The following PCDHGA11 variants were observed in gnomAD, a reference collection of about 807,000 sequenced individuals.
PCDHGA11 encodes protocadherin gamma-A11.
Under a neutral mutation model 60.4 loss-of-function variants are expected in PCDHGA11, and 39 were observed. That is an observed-to-expected ratio of 0.65 (90% CI 0.50 to 0.84). PCDHGA11 has a LOEUF of 0.84. Ranked by LOEUF, PCDHGA11 falls within the 40% of genes least tolerant of loss-of-function variation. PCDHGA11 has a pLI of 0.00. For missense variants in PCDHGA11, 1,165 were observed against 1,197.7 expected (o/e 0.97, Z 0.40); for synonymous variants, 533 against 510.3 (o/e 1.04, Z -0.60).
At chr5:141,454,620 G>T (rs1028840158) in intron 1 of PCDHGA11, among the ~76,000 whole-genome samples, 1 of 151,520 alleles carries the variant, frequency 6.6e-6, no homozygotes, top group East Asian at 1.9e-4. Flanking sequence ...TGGTCAGGCT[G>T]GTCTCGAACC....
chr5:141,511,049 G>A lies in PCDHGA11; in HGVS notation c.2684G>A (p.Arg895His), dbSNP rs61749029. 408 of 1,614,098 alleles carry A rather than the reference G, an allele frequency of 2.5e-4. No individual in the cohort carries two copies. Among genetic ancestry groups the A allele is most frequent in the South Asian group, 7.2e-4 (66 of 91,094 alleles). Residue 895 changes from arginine (R) to histidine (H), a missense_variant, in exon 4 of 4, where the codon CGC becomes CAC. Transcript: ENST00000398587. ...QFTLQHVPDY[R>H]QNVYIPGSNA... ...ACCCTGCAGCACGTGCCCGACTACC[G>A]CCAGAATGTCTACATCCCAGGCAGC...
intron 1 of PCDHGA11, 148 bp from the exon 2 acceptor site, chr5:141,494,659 T>C (rs749872848): frequency 2.3e-4 from 343 of 1,488,556 alleles, no homozygotes; most frequent in Non-Finnish European, 2.9e-4. Flanking sequence ...ATTTTGTCTT[T>C]GGAGATGAGT....
chr5:141,465,440 A>T (rs1478987071), intron 1 of PCDHGA11, among the ~76,000 whole-genome samples: 1 of 152,194 alleles, frequency 6.6e-6, no homozygotes, highest in Non-Finnish European at 1.5e-5. Flanking sequence ...CTTAATGATT[A>T]CCCAAGAAAA....
At chr5:141,499,186 T>A (rs1332703037) in intron 2 of PCDHGA11, among the ~76,000 whole-genome samples, 2 of 152,036 alleles carry the variant, frequency 1.3e-5, no homozygotes, top group Non-Finnish European at 2.9e-5. Context: ...AGCAAACCAT[T>A]TCCCCCTTCT....
chr5:141,421,380 G>A lies in PCDHGA11; in HGVS notation c.153G>A (p.Lys51=). The part of the protein sequence containing the change: ...EKGSFVGNIS[K]DLGLEPRELA... ...GCTCCTTCGTGGGCAATATCTCCAA[G>A]GACCTGGGGCTGGAGCCCCGGGAGC... Residue 51 remains lysine (K), a synonymous_variant, in exon 1 of 4, where the codon AAG becomes AAA. Coordinates refer to ENST00000398587, the MANE Select transcript of PCDHGA11 (RefSeq NM_018914.3). 6.2e-7 allele frequency: 1 copy of A among 1,614,064 alleles called. No individual in the cohort carries two copies. The highest frequency in any genetic ancestry group is 8.5e-7 in the Non-Finnish European group (1 of 1,179,912).
At chr5:141,494,759 C>G (rs776923097) in intron 1 of PCDHGA11, 48 bp from the exon 2 acceptor site, 2 of 1,613,886 alleles carry the variant, frequency 1.2e-6, no homozygotes, top group Middle Eastern at 1.6e-4. Flanking sequence ...GGGTGACATT[C>G]TAACTTCTCA....
At chr5:141,483,361 A>G (rs752805137) in intron 1 of PCDHGA11, among the ~76,000 whole-genome samples, 1 of 152,102 alleles carries the variant, frequency 6.6e-6, no homozygotes, top group South Asian at 2.1e-4. Context: ...TTTGAAAGCT[A>G]TTGCAATATT....
Position 141,431,634 on chromosome 5 carries a change from T to C in PCDHGA11, c.2433+7974T>C. 2.5e-6 allele frequency: 4 copies of C among 1,614,238 alleles called. No homozygotes were observed. Among genetic ancestry groups the C allele is most frequent in the Non-Finnish European group, 3.4e-6 (4 of 1,180,044 alleles). ...GTGGACGACAAGGCGGCCCAAGTTTTCAAACTAGATTGTAATTCAGGGACA... is the reference window on the plus strand; with the variant it reads ...GTGGACGACAAGGCGGCCCAAGTTTCCAAACTAGATTGTAATTCAGGGACA... On this transcript the variant is annotated intron_variant, in intron 1 of 3. Coordinates refer to ENST00000398587, the MANE Select transcript of PCDHGA11 (RefSeq NM_018914.3). The surrounding 1 kb of genome is among the most constrained non-coding windows in gnomAD (Gnocchi z 4.8).
At chr5:141,428,112 A>G (rs2097111373) in intron 1 of PCDHGA11, 1 of 1,607,642 alleles carries the variant, frequency 6.2e-7, no homozygotes, top group Non-Finnish European at 8.5e-7. Context: ...GCTGCAGGCC[A>G]TCGAGCCCGG....
chr5:141,433,115 G>T, intron 1 of PCDHGA11: 1 of 1,613,762 alleles, frequency 6.2e-7, no homozygotes, highest in Non-Finnish European at 8.5e-7. Context: ...GGAGAGCTTT[G>T]AAAAAAGCGA....
In PCDHGA11 at chr5:141,485,124, C is replaced by A; in HGVS notation, c.2434-9683C>A. ...GCTGCTGTGGCTGTTTGGGGCGGGT[C>A]GGCTTCATCCGCGTCTCAGGAGCAA... is the stretch of plus-strand genomic sequence containing the variant. On this transcript the variant is annotated intron_variant, in intron 1 of 3. Transcript: ENST00000398587. The surrounding 1 kb of genome is among the most constrained non-coding windows in gnomAD (Gnocchi z 5.7). 2 of 1,390,136 alleles carry A rather than the reference C, an allele frequency of 1.4e-6. No homozygotes were observed. The highest frequency in any genetic ancestry group is 2.5e-5 in the South Asian group (2 of 80,180). 86.1% of individuals were successfully genotyped at this position (1,390,136 alleles called of 1,614,324 possible). A position where few individuals can be genotyped will look rare whatever the true frequency, so the allele number is the denominator to read the frequency against.
intron 1 of PCDHGA11, among the ~76,000 whole-genome samples, chr5:141,448,430 T>C (rs1468604001): frequency 6.6e-6 from 1 of 152,186 alleles, no homozygotes; most frequent in African/African-American, 2.4e-5. Flanking sequence ...TATGTATATA[T>C]TGAGAAGTCT....
At chr5:141,463,401 A>T (rs57406832) in intron 1 of PCDHGA11, among the ~76,000 whole-genome samples, 25,027 of 149,108 alleles carry the variant, frequency 0.17, 2,158 homozygotes, top group South Asian at 0.22. Context: ...GGCAAAAAAA[A>T]TGGAGATCCT....
Position 141,432,388 on chromosome 5 carries a change from C to T in PCDHGA11, c.2433+8728C>T. The T allele has an allele frequency of 6.2e-7, 1 of 1,614,258 alleles. No homozygotes were observed. The highest frequency in any genetic ancestry group is 2.2e-5 in the East Asian group (1 of 44,892). The stretch of plus-strand genomic sequence containing the variant: ...GGGACAACGGGCACCCGCCCCTCAG[C>T]AGCAACGTGTCGTTGAGCCTGTTCG... On this transcript the variant is annotated intron_variant, in intron 1 of 3. Transcript: ENST00000398587. This position sits in a 1 kb window ranked among gnomAD's most constrained non-coding sequence, Gnocchi z 6.0.
Position 141,421,937 on chromosome 5 carries a change from A to G in PCDHGA11, c.710A>G (p.Asn237Ser), listed in dbSNP as rs375878901. The G allele has an allele frequency of 1.5e-5, 25 of 1,613,402 alleles. No homozygotes were observed. In the African/African-American group the frequency reaches 1.6e-4, roughly 10 times the overall value. ...VPIRVVVLDV[N>S]DHIPMFTQSV... ...ATTCGTGTGGTGGTCCTCGATGTAA[A>G]TGATCACATCCCAATGTTTACACAG... The change falls in exon 1 of 4, where the codon AAT (asparagine) becomes AGT (serine). Residue 237 changes from asparagine to serine, a missense_variant. By Grantham distance (46) the Asn-to-Ser change is conservative. Coordinates refer to ENST00000398587, the MANE Select transcript of PCDHGA11 (RefSeq NM_018914.3).
rs1426255577 is a variant in PCDHGA11, at chr5:141,512,797, TG to T, written c.*1625del. 6.6e-6 allele frequency: 1 copy of T among 152,300 alleles called. No homozygotes were observed. Among genetic ancestry groups the T allele is most frequent in the African/African-American group, 2.4e-5 (1 of 41,444 alleles). The allele number at this position is 152,300 out of a possible 1,614,324, so 9.4% of individuals were successfully genotyped here. On this transcript the variant is annotated 3_prime_UTR_variant, in exon 4 of 4. Transcript: ENST00000398587. ...GCGGCCCGTGTTGTGTTTTGTGCTGTGTCCACGCGCTAAGGCGACCCCCTCC... is the reference window on the plus strand; with the variant it reads ...GCGGCCCGTGTTGTGTTTTGTGCTGTTCCACGCGCTAAGGCGACCCCCTCC...
chr5:141,475,008 T>C (rs1292437400), intron 1 of PCDHGA11, among the ~76,000 whole-genome samples: 1 of 152,258 alleles, frequency 6.6e-6, no homozygotes, highest in Admixed American at 6.5e-5. Flanking sequence ...TGCAGAAAAG[T>C]TAAGGCTCTT....
rs377061064 is a variant in PCDHGA11, at chr5:141,505,429, C to A, written c.2529C>A (p.Asn843Lys). 1.2e-6 allele frequency: 2 copies of A among 1,614,116 alleles called. No homozygotes were observed. Among genetic ancestry groups the A allele is most frequent in the African/African-American group, 1.3e-5 (1 of 74,938 alleles). Residue 843 changes from asparagine (N) to lysine (K), a missense_variant, in exon 3 of 4, where the codon AAC becomes AAA. Asn to Lys is a moderately conservative substitution (Grantham distance 94, BLOSUM62 0). Coordinates refer to ENST00000398587, the MANE Select transcript of PCDHGA11 (RefSeq NM_018914.3). ...QNGDDTGTWP[N>K]NQFDTEMLQA... ...GCGATGACACCGGCACCTGGCCCAA[C>A]AACCAGTTTGACACAGAGATGCTGC...
At position 141,421,665 on chromosome 5, in the gene PCDHGA11, C is replaced by G. The variant is rs1227312221; in HGVS notation, c.438C>G (p.His146Gln). 2.5e-6 allele frequency: 4 copies of G among 1,613,854 alleles called. No homozygotes were observed. The highest frequency in any genetic ancestry group is 2.5e-6 in the Non-Finnish European group (3 of 1,179,814). ...AAGTGGAGATAAAAGTCAGTGAGCA[C>G]GCAATTCCTGGGGCGCGATTTGCTC... is the stretch of plus-strand genomic sequence containing the variant. ...EDEVEIKVSEHAIPGARFALP... is the reference protein window; with the variant it reads ...EDEVEIKVSEQAIPGARFALP... The change falls in exon 1 of 4, where the codon CAC becomes CAG. Residue 146 changes from histidine (H) to glutamine (Q), a missense_variant. Transcript: ENST00000398587.
Sources: gnomAD v4.1 joint callset for allele counts (sites outside exome capture counted in the v4.1 genomes callset) on GRCh38, gnomAD v4.1.1 for gene constraint, Gnocchi (gnomAD v3.1) non-coding constraint, MANE v1.5 for transcripts, NCBI Gene and HGNC (gene_info 2026-07-23, HGNC 2026-07-21) for gene names.